The following TPTE variants were observed in gnomAD, a reference collection of about 807,000 sequenced individuals.
TPTE encodes transmembrane phosphatase with tensin homology, also known as putative tyrosine-protein phosphatase TPTE.
A neutral mutation model predicts 84.1 loss-of-function variants in TPTE; 59 were observed. That is an observed-to-expected ratio of 0.70 (90% CI 0.57 to 0.87). The LOEUF (loss-of-function observed/expected upper bound fraction) is 0.87. TPTE is among the 40% of genes least tolerant of loss of function. TPTE has a pLI of 0.00. For missense variants in TPTE, 382 were observed against 659.6 expected (o/e 0.58, Z 4.61); for synonymous variants, 130 against 223.5 (o/e 0.58, Z 3.73).
chr21:10,546,973 A>C (rs1356191558), intron 7 of TPTE, among the ~76,000 whole-genome samples: 2 of 152,310 alleles, frequency 1.3e-5, no homozygotes, highest in African/African-American at 2.4e-5. Context: ...ACACATTTTC[A>C]ATGTAGACAA....
At chr21:10,604,610 GT>G (rs111408957) in intron 23 of TPTE, among the ~76,000 whole-genome samples, 4,731 of 140,868 alleles carry the variant, frequency 0.034, no homozygotes, top group African/African-American at 0.072. Context: ...TTTTTTACAA[GT>G]TTTTTTTTTT....
intron 7 of TPTE, among the ~76,000 whole-genome samples, chr21:10,551,846 A>G (rs2074581984): frequency 6.6e-6 from 1 of 152,312 alleles, no homozygotes; most frequent in African/African-American, 2.4e-5. Flanking sequence ...ACGACCTACC[A>G]AGACTAAACC....
intron 10 of TPTE, 114 bp downstream of exon 10, chr21:10,561,305 A>C: frequency 1.5e-6 from 2 of 1,358,590 alleles, no homozygotes; most frequent in Non-Finnish European, 1.0e-6. Flanking sequence ...GATCCTGGCC[A>C]ACATGGTGAA....
intron 8 of TPTE, among the ~76,000 whole-genome samples, chr21:10,553,118 C>T (rs1208644766): frequency 2.0e-5 from 3 of 152,306 alleles, no homozygotes; most frequent in African/African-American, 7.2e-5. Flanking sequence ...ATAGCAAAAG[C>T]AAACATATTT....
intron 6 of TPTE, 91 bp downstream of exon 6, chr21:10,542,539 C>T: frequency 1.5e-6 from 2 of 1,310,020 alleles, no homozygotes. Context: ...CCCCATCCAT[C>T]CATCCATCCA....
At chr21:10,563,090 A>C (rs1191729310) in intron 10 of TPTE, among the ~76,000 whole-genome samples, 4 of 152,302 alleles carry the variant, frequency 2.6e-5, no homozygotes, top group African/African-American at 9.6e-5. Flanking sequence ...TCAGGCCAGG[A>C]GAGAGTGGCA....
intron 2 of TPTE, 77 bp from the exon 3 acceptor site, chr21:10,527,278 C>T (rs1167750129): frequency 1.3e-5 from 2 of 152,758 alleles, no homozygotes; most frequent in Admixed American, 1.3e-4. Context: ...TCCTGAAATA[C>T]TGTTGAGATT....
intron 11 of TPTE, among the ~76,000 whole-genome samples, chr21:10,568,446 A>T (rs113697114): frequency 8.2e-4 from 124 of 152,024 alleles, no homozygotes; most frequent in African/African-American, 2.7e-3. Context: ...GAAACTAAAG[A>T]GTATATGAAG....
chr21:10,536,219 A>T (rs541319055), intron 3 of TPTE, among the ~76,000 whole-genome samples: 471 of 152,220 alleles, frequency 3.1e-3, no homozygotes, highest in Non-Finnish European at 4.8e-3. Flanking sequence ...TGGAGGTTGC[A>T]GTGAGCCAAG....
intron 23 of TPTE, among the ~76,000 whole-genome samples, chr21:10,603,889 G>A (rs1362992500): frequency 6.6e-6 from 1 of 152,312 alleles, no homozygotes; most frequent in Non-Finnish European, 1.5e-5. Flanking sequence ...ATTATCATCA[G>A]ATCTTAAGTG....
At position 10,592,303 on chromosome 21, in the gene TPTE, A is replaced by G. The variant is rs1425262032; in HGVS notation, c.1100A>G (p.Tyr367Cys). 6.2e-7 allele frequency: 1 copy of G among 1,613,384 alleles called. No individual in the cohort carries two copies. Among genetic ancestry groups the G allele is most frequent in the South Asian group, 1.1e-5 (1 of 91,072 alleles). The change falls in exon 19 of 24, where the codon TAT becomes TGT. Residue 367 changes from tyrosine to cysteine, a missense_variant. By Grantham distance (194) the Tyr-to-Cys change is radical. Around this residue, in one of 10 missense-constraint regions of TPTE, gnomAD observed 37 missense variants for 28.3 expected, o/e 1.31. Coordinates refer to ENST00000618007, the MANE Select transcript of TPTE (RefSeq NM_199261.4). ...TACCCTTTTTTGTAGGAAAGCCTGT[A>G]TTATTTTGGAGAAAGGCGAACAGAT... The part of the protein sequence containing the change: ...EICSTAKESL[Y>C]YFGERRTDKT...
intron 17 of TPTE, among the ~76,000 whole-genome samples, chr21:10,589,403 G>C (rs2075423681): frequency 6.6e-6 from 1 of 152,302 alleles, no homozygotes; most frequent in African/African-American, 2.4e-5. Context: ...TTGTTTATTG[G>C]GAGGAGCTCT....
chr21:10,542,780 T>A (rs1254963544), intron 6 of TPTE, among the ~76,000 whole-genome samples: 9 of 152,420 alleles, frequency 5.9e-5, no homozygotes, highest in African/African-American at 1.9e-4. Flanking sequence ...ATTCGTCTCA[T>A]TGTAGCATTT....
chr21:10,569,576 TTG>T (rs765151673), intron 12 of TPTE, 40 bp downstream of exon 12: 65 of 1,613,492 alleles, frequency 4.0e-5, no homozygotes, highest in Non-Finnish European at 5.3e-5. Flanking sequence ...CAAAAATATT[TTG>T]TGTTTTGGGA....
intron 19 of TPTE, 73 bp from the exon 20 acceptor site, chr21:10,595,909 C>CAAAAAAAA (rs57704808): frequency 7.8e-7 from 1 of 1,275,410 alleles, no homozygotes. Context: ...AAGCTTTATG[C>CAAAAAAAA]AAAAAAAAAA....
At position 10,529,778 on chromosome 21, in the gene TPTE, G is replaced by A. The variant is rs1260391967; in HGVS notation, c.-44+2366G>A. 4.6e-5 allele frequency among the ~76,000 whole-genome samples: 7 copies of A among 152,310 alleles called. No homozygotes were observed. The East Asian group carries it at 7.7e-4, about 17-fold the overall frequency. On this transcript the variant is annotated intron_variant, in intron 3 of 23. Transcript: ENST00000618007. ...TTTATAATTAATATCCATGTTGGGG[G>A]GAGATACTTTCAGTCTATGTTAAAA...
rs532028527 is a variant in TPTE at position 10,529,368 on chromosome 21, C to T, written c.-44+1956C>T. On this transcript the variant is annotated intron_variant, in intron 3 of 23. Coordinates refer to ENST00000618007, the MANE Select transcript of TPTE (RefSeq NM_199261.4). ...TGGAATATCCAAACATTTCCATTTT[C>T]ACCAGGAGGACTTAATAGAATGTCT... 2.0e-5 allele frequency among the ~76,000 whole-genome samples: 3 copies of T among 152,422 alleles called. No individual in the cohort carries two copies. The East Asian group carries it at 5.8e-4, about 29-fold the overall frequency.
chr21:10,522,146 C>G (rs1477261068), intron 1 of TPTE, among the ~76,000 whole-genome samples: 1 of 150,408 alleles, frequency 6.6e-6, no homozygotes, highest in Non-Finnish European at 1.5e-5. Flanking sequence ...GTTGTCTTGT[C>G]CCCCCCCAGG....
chr21:10,561,029 G>T lies in TPTE; in HGVS notation c.285-1G>T, dbSNP rs1319494705. ...TTTATTTATTTATTTGTTTATTTTAGACTATTTGGAGTTTTCCTGGTCTTA... is the reference window on the plus strand; with the variant it reads ...TTTATTTATTTATTTGTTTATTTTATACTATTTGGAGTTTTCCTGGTCTTA... On this transcript the variant is annotated splice_acceptor_variant, in intron 9 of 23. Transcript: ENST00000618007. LOFTEE classifies it high-confidence loss of function. The T allele has an allele frequency of 5.0e-6, 8 of 1,610,160 alleles. No individual in the cohort carries two copies. Among genetic ancestry groups the T allele is most frequent in the East Asian group, 2.2e-5 (1 of 44,860 alleles).
Sources: gnomAD v4.1 joint callset for allele counts (sites outside exome capture counted in the v4.1 genomes callset) on GRCh38, gnomAD v4.1.1 for gene constraint, gnomAD v4.1.1 regional missense constraint, MANE v1.5 for transcripts, NCBI Gene and HGNC (gene_info 2026-07-23, HGNC 2026-07-21) for gene names.